The following TEX55 variants were observed in gnomAD, a reference collection of about 807,000 sequenced individuals.
TEX55 encodes the protein testis-specific expressed protein 55.
A neutral mutation model predicts 44.6 loss-of-function variants in TEX55; 31 were observed. The ratio of observed to expected loss-of-function variants is 0.69; its 90% CI spans 0.52 to 0.94. The LOEUF (loss-of-function observed/expected upper bound fraction) is 0.94. TEX55 is among the 40% of genes least tolerant of loss of function. The pLI is 0.00. For missense variants in TEX55, 639 were observed against 638.4 expected, an observed-to-expected ratio of 1.00 and a Z score of -0.01; for synonymous variants, 230 against 230.9, an observed-to-expected ratio of 1.00 and a Z score of 0.04.
rs758950292 is a variant in TEX55, at chr3:119,147,021, T to C, written c.832T>C (p.Leu278=). ...AAGTTCTGAGAAGACTGACTACAGA[T>C]TGGCTGGCCTGGCTGACCCAGGAAC... ...RRSSEKTDYR[L]AGLADPGTSE... The change falls in exon 1 of 3, where the codon TTG becomes CTG. Residue 278 remains leucine (L), a synonymous_variant. Transcript: ENST00000295622. 5.0e-6 allele frequency: 8 copies of C among 1,614,034 alleles called. No homozygotes were observed. The highest frequency in any genetic ancestry group is 3.3e-5 in the Admixed American group (2 of 59,994).
rs535358020 is a variant in TEX55 at position 119,147,110 on chromosome 3, C to T, written c.921C>T (p.His307=). 2.3e-5 allele frequency: 37 copies of T among 1,614,162 alleles called. No individual in the cohort carries two copies. Among genetic ancestry groups the T allele is most frequent in the Non-Finnish European group, 3.1e-5 (37 of 1,180,018 alleles). ...LVDHKTSVKT[H]HQVYGQATEL... is the part of the protein sequence containing the mutation. The stretch of plus-strand genomic sequence containing the variant: ...ACCACAAAACATCTGTAAAGACTCA[C>T]CACCAAGTGTACGGCCAAGCCACTG... Residue 307 remains histidine (H), a synonymous_variant, in exon 1 of 3, where the codon CAC becomes CAT. Coordinates refer to ENST00000295622, the MANE Select transcript of TEX55 (RefSeq NM_152539.3).
chr3:119,149,518 C>T (rs1039588676), intron 2 of TEX55, among the ~76,000 whole-genome samples: 1 of 152,134 alleles, frequency 6.6e-6, no homozygotes, highest in Non-Finnish European at 1.5e-5. Flanking sequence ...AATAGGTAGA[C>T]AGAGTACATT....
rs568528795 is a variant in TEX55, at chr3:119,150,264, G to T, written c.1543-960G>T. Among the ~76,000 whole-genome samples, 3 of 152,172 alleles carry T rather than the reference G, an allele frequency of 2.0e-5. No homozygotes were observed. The South Asian group carries it at 6.2e-4, about 32-fold the overall frequency. ...AGAACTACTAATTATTAAACTGAAG[G>T]ATGAAACCTGTTGAGACTTCCATTG... is the stretch of plus-strand genomic sequence containing the variant. On this transcript the variant is annotated intron_variant, in intron 2 of 2. Coordinates refer to ENST00000295622, the MANE Select transcript of TEX55 (RefSeq NM_152539.3).
Position 119,146,172 on chromosome 3 carries a change from T to C in TEX55, c.-18T>C, listed in dbSNP as rs370742190. 3 of 1,575,996 alleles carry C rather than the reference T, an allele frequency of 1.9e-6. No homozygotes were observed. Among genetic ancestry groups the C allele is most frequent in the Non-Finnish European group, 2.6e-6 (3 of 1,163,094 alleles). On this transcript the variant is annotated 5_prime_UTR_variant, in exon 1 of 3. Coordinates refer to ENST00000295622, the MANE Select transcript of TEX55 (RefSeq NM_152539.3). ...CACAGTGCCTGGCAACCTAGACCAG[T>C]CAGGGACGCGGCAGGAAATGGAAGA...
In TEX55 at chr3:119,147,530, A is replaced by C. The variant is rs1427003897; in HGVS notation, c.1341A>C (p.Ser447=). The change falls in exon 1 of 3, where the codon TCA becomes TCC. Residue 447 remains serine, a synonymous_variant. Transcript: ENST00000295622. ...QALFPRLPSI[S]SKLNYTSSQE... is the part of the protein sequence containing the mutation. ...TTTTCCCAAGACTCCCCTCCATCTC[A>C]TCCAAATTGAACTATACCAGCAGTC... The C allele has an allele frequency of 6.2e-7, 1 of 1,614,074 alleles. No individual in the cohort carries two copies. Among genetic ancestry groups the C allele is most frequent in the East Asian group, 2.2e-5 (1 of 44,870 alleles).
rs1559891158 is a variant in TEX55, at chr3:119,146,368, C to T, written c.179C>T (p.Pro60Leu). 1 of 1,614,158 alleles carries T rather than the reference C, an allele frequency of 6.2e-7. No homozygotes were observed. The highest frequency in any genetic ancestry group is 8.5e-7 in the Non-Finnish European group (1 of 1,180,014). The change falls in exon 1 of 3, where the codon CCT becomes CTT. Residue 60 changes from proline (P) to leucine (L), a missense_variant. By Grantham distance (98) the Pro-to-Leu change is moderately conservative (BLOSUM62 -3). Transcript: ENST00000295622. ...RIADQTALRV[P>L]SQAESSIFSQ... is the part of the protein sequence containing the mutation. ...GCTGACCAGACTGCCCTAAGAGTGC[C>T]TAGCCAGGCTGAATCCAGCATATTT...
chr3:119,148,402 T>C (rs1459425452), intron 2 of TEX55, 79 bp downstream of exon 2: 8 of 1,353,168 alleles, frequency 5.9e-6, no homozygotes, highest in African/African-American at 3.0e-5. Context: ...AAAAGGGATA[T>C]ATTCTAATTG....
Position 119,146,784 on chromosome 3 carries a change from T to C in TEX55, c.595T>C (p.Ser199Pro), listed in dbSNP as rs758282616. 3.7e-6 allele frequency: 6 copies of C among 1,613,958 alleles called. No individual in the cohort carries two copies. The highest frequency in any genetic ancestry group is 1.6e-4 in the Middle Eastern group (1 of 6,082). The change falls in exon 1 of 3, where the codon TCT becomes CCT. Residue 199 changes from serine (S) to proline (P), a missense_variant. Coordinates refer to ENST00000295622, the MANE Select transcript of TEX55 (RefSeq NM_152539.3). ...TTCCGAGCAGATGGACCGCAGAATG[T>C]CTGGCGAGGCTGAGCGAAGAACTTC... The part of the protein sequence containing the change: ...RASEQMDRRM[S>P]GEAERRTSEQ...
At position 119,147,187 on chromosome 3, in the gene TEX55, C is replaced by T. The variant is rs773036671; in HGVS notation, c.998C>T (p.Pro333Leu). The change falls in exon 1 of 3, where the codon CCT becomes CTT. Residue 333 changes from proline to leucine, a missense_variant. Transcript: ENST00000295622. ...IDQAHSNADQPPVDNAHYTES... is the reference protein window; with the variant it reads ...IDQAHSNADQLPVDNAHYTES... Reference sequence around the variant, plus strand: ...CAAGCTCATAGTAATGCTGATCAACCTCCAGTTGACAATGCTCACTACACT... The same window carrying T: ...CAAGCTCATAGTAATGCTGATCAACTTCCAGTTGACAATGCTCACTACACT... 1.9e-6 allele frequency: 3 copies of T among 1,614,142 alleles called. No individual in the cohort carries two copies. The highest frequency in any genetic ancestry group is 4.5e-5 in the East Asian group (2 of 44,884).
Position 119,146,315 on chromosome 3 carries a change from G to A in TEX55, c.126G>A (p.Lys42=). 1.1e-5 allele frequency: 18 copies of A among 1,614,188 alleles called. No homozygotes were observed. The highest frequency in any genetic ancestry group is 1.5e-5 in the Non-Finnish European group (18 of 1,180,038). The part of the protein sequence containing the change: ...EDDQKNQAER[K]ADNHTAHRIA... ...ACCAGAAGAACCAGGCCGAAAGGAA[G>A]GCAGATAACCACACTGCTCACAGAA... Residue 42 remains lysine, a synonymous_variant, in exon 1 of 3, where the codon AAG becomes AAA. Coordinates refer to ENST00000295622, the MANE Select transcript of TEX55 (RefSeq NM_152539.3).
intron 2 of TEX55, among the ~76,000 whole-genome samples, chr3:119,148,594 T>C (rs75256554): frequency 0.065 from 9,916 of 152,110 alleles, 479 homozygotes; most frequent in African/African-American, 0.13. Flanking sequence ...ATATTATCAA[T>C]TGAAAAGAAG....
chr3:119,148,981 C>T (rs1234823089), intron 2 of TEX55, among the ~76,000 whole-genome samples: 3 of 152,102 alleles, frequency 2.0e-5, no homozygotes, highest in South Asian at 2.1e-4. Flanking sequence ...TTGCTCTGAG[C>T]GAGTCAGTGA....
chr3:119,146,979 G>A lies in TEX55; in HGVS notation c.790G>A (p.Gly264Arg). Residue 264 changes from glycine to arginine, a missense_variant, in exon 1 of 3, where the codon GGG becomes AGG. Physicochemically the swap from Gly to Arg is moderately radical, Grantham distance 125. Coordinates refer to ENST00000295622, the MANE Select transcript of TEX55 (RefSeq NM_152539.3). ...CGTACAGATTGACCGCAGAATGTCAGGGAAAGTTAGGAGAAGAAGTTCTGA... is the reference window on the plus strand; with the variant it reads ...CGTACAGATTGACCGCAGAATGTCAAGGAAAGTTAGGAGAAGAAGTTCTGA... ...PSVQIDRRMS[G>R]KVRRRSSEKT... is the part of the protein sequence containing the mutation. 1 of 1,614,228 alleles carries A rather than the reference G, an allele frequency of 6.2e-7. No individual in the cohort carries two copies. Among genetic ancestry groups the A allele is most frequent in the Non-Finnish European group, 8.5e-7 (1 of 1,180,040 alleles).
At chr3:119,149,797 A>T (rs918500576) in intron 2 of TEX55, among the ~76,000 whole-genome samples, 4 of 152,218 alleles carry the variant, frequency 2.6e-5, no homozygotes, top group African/African-American at 7.2e-5. Flanking sequence ...CTTTCAAAAG[A>T]TGACCAATCT....
chr3:119,146,252 C>A lies in TEX55; in HGVS notation c.63C>A (p.Pro21=), dbSNP rs1269924003. 1 of 1,614,046 alleles carries A rather than the reference C, an allele frequency of 6.2e-7. No homozygotes were observed. The highest frequency in any genetic ancestry group is 1.1e-5 in the South Asian group (1 of 91,044). ...EPLKHESPAA[P]SSAGHTKGQE... is the part of the protein sequence containing the mutation. ...TGAAACATGAAAGCCCAGCCGCTCC[C>A]TCAAGTGCTGGCCACACTAAGGGCC... Residue 21 remains proline (P), a synonymous_variant, in exon 1 of 3, where the codon CCC becomes CCA. Coordinates refer to ENST00000295622, the MANE Select transcript of TEX55 (RefSeq NM_152539.3).
chr3:119,150,271 C>T (rs2077769359), intron 2 of TEX55, among the ~76,000 whole-genome samples: 1 of 151,986 alleles, frequency 6.6e-6, no homozygotes. Flanking sequence ...AAGGATGAAA[C>T]CTGTTGAGAC....
Sources: gnomAD v4.1 joint callset for allele counts (sites outside exome capture counted in the v4.1 genomes callset) on GRCh38, gnomAD v4.1.1 for gene constraint, MANE v1.5 for transcripts, NCBI Gene and HGNC (gene_info 2026-07-23, HGNC 2026-07-21) for gene names.